Variants in LYN observed in about 807,000 individuals in gnomAD.
LYN encodes the protein tyrosine-protein kinase Lyn.
LYN carries 12 observed loss-of-function variants against 65.0 expected under a neutral mutation model. That is an observed-to-expected ratio of 0.18 (90% CI 0.12 to 0.30). The LOEUF (loss-of-function observed/expected upper bound fraction) is 0.30. LYN is among the 10% of genes least tolerant of loss of function. LYN has a pLI of 1.00. For missense variants in LYN, 380 were observed against 623.2 expected (o/e 0.61, Z 4.16); for synonymous variants, 222 against 221.2 (o/e 1.00, Z -0.03).
At chr8:55,959,710 G>A (rs759490344) in intron 8 of LYN, among the ~76,000 whole-genome samples, 4 of 151,994 alleles carry the variant, frequency 2.6e-5, no homozygotes, top group Non-Finnish European at 5.9e-5. Flanking sequence ...AGTGTTCATA[G>A]TAGCATTATT....
intron 1 of LYN, among the ~76,000 whole-genome samples, chr8:55,902,050 C>T (rs1348413850): frequency 6.6e-6 from 1 of 151,992 alleles, no homozygotes; most frequent in Non-Finnish European, 1.5e-5. Flanking sequence ...TCTTATTGCC[C>T]AGACTGGACT....
chr8:55,977,995 CT>C (rs1019564045), intron 10 of LYN, among the ~76,000 whole-genome samples: 2 of 152,258 alleles, frequency 1.3e-5, no homozygotes, highest in East Asian at 1.9e-4. Flanking sequence ...TTCTTCTGAG[CT>C]TTTTCAATTC....
intron 8 of LYN, among the ~76,000 whole-genome samples, chr8:55,958,815 GA>G (rs1482042332): frequency 6.6e-6 from 1 of 152,182 alleles, no homozygotes; most frequent in Non-Finnish European, 1.5e-5. Context: ...AAGGCTTAAT[GA>G]TATTCCTTTA....
intron 1 of LYN, among the ~76,000 whole-genome samples, chr8:55,937,583 G>A (rs1313869223): frequency 6.6e-6 from 1 of 152,162 alleles, no homozygotes; most frequent in Non-Finnish European, 1.5e-5. Flanking sequence ...TTCAAGAAGT[G>A]GAATTCCAAT....
chr8:56,004,861 T>C (rs1356894113), intron 12 of LYN, among the ~76,000 whole-genome samples: 1 of 152,188 alleles, frequency 6.6e-6, no homozygotes, highest in Non-Finnish European at 1.5e-5. Context: ...CATAGCTCAC[T>C]GTAGCCTTTA....
intron 10 of LYN, among the ~76,000 whole-genome samples, chr8:55,984,072 C>T (rs1688039029): frequency 1.3e-5 from 2 of 152,154 alleles, no homozygotes; most frequent in Admixed American, 1.3e-4. Context: ...CCTCTGTCTT[C>T]CGGTGGCCTC....
chr8:55,909,747 A>G (rs1805544480), intron 1 of LYN, among the ~76,000 whole-genome samples: 1 of 152,160 alleles, frequency 6.6e-6, no homozygotes, highest in Admixed American at 6.6e-5. Flanking sequence ...TTTGTCTGCA[A>G]CCTCACCAAT....
At chr8:55,890,956 T>C (rs972633788) in intron 1 of LYN, among the ~76,000 whole-genome samples, 8 of 152,020 alleles carry the variant, frequency 5.3e-5, no homozygotes, top group Non-Finnish European at 1.0e-4. Context: ...CTTGAACTCC[T>C]GGGCTCAAGC....
intron 10 of LYN, among the ~76,000 whole-genome samples, chr8:55,995,018 T>C (rs1808338641): frequency 6.6e-6 from 1 of 152,228 alleles, no homozygotes; most frequent in Admixed American, 6.5e-5. Context: ...ACTGGCTTTT[T>C]CTAACAAGTC....
intron 1 of LYN, among the ~76,000 whole-genome samples, chr8:55,918,997 G>A (rs1336266474): frequency 2.4e-5 from 3 of 127,032 alleles, no homozygotes; most frequent in African/African-American, 6.0e-5. Flanking sequence ...TCAGTTGTTC[G>A]AGACCATGGG....
intron 1 of LYN, among the ~76,000 whole-genome samples, chr8:55,905,862 C>T (rs761183636): frequency 1.4e-4 from 22 of 152,154 alleles, no homozygotes; most frequent in Non-Finnish European, 2.5e-4. Context: ...GCAAAGAGCC[C>T]GCTCCTCTGT....
chr8:55,896,703 T>C (rs1367588974), intron 1 of LYN, among the ~76,000 whole-genome samples: 2 of 152,102 alleles, frequency 1.3e-5, no homozygotes, highest in Non-Finnish European at 2.9e-5. Flanking sequence ...ATACCTAATT[T>C]AGTAAGAGAG....
intron 1 of LYN, among the ~76,000 whole-genome samples, chr8:55,935,220 A>G (rs925045611): frequency 1.3e-5 from 2 of 151,880 alleles, no homozygotes; most frequent in African/African-American, 4.8e-5. Context: ...GAAAAAAAAC[A>G]AAAACAAAAG....
At chr8:56,008,125 A>AT (rs1554519958) in intron 12 of LYN, among the ~76,000 whole-genome samples, 1 of 133,608 alleles carries the variant, frequency 7.5e-6, no homozygotes. Flanking sequence ...CCTCAAAAAA[A>AT]AAATAAAATA....
chr8:55,984,296 C>T (rs1250858676), intron 10 of LYN, among the ~76,000 whole-genome samples: 1 of 152,332 alleles, frequency 6.6e-6, no homozygotes, highest in Non-Finnish European at 1.5e-5. Context: ...CACTCCGAAG[C>T]TTCTAGCTCA....
At chr8:55,893,160 C>T (rs571647755) in intron 1 of LYN, among the ~76,000 whole-genome samples, 21 of 152,310 alleles carry the variant, frequency 1.4e-4, no homozygotes, top group African/African-American at 4.8e-4. Context: ...TCCTGTTTTA[C>T]CCTGGCGATT....
intron 1 of LYN, among the ~76,000 whole-genome samples, chr8:55,891,702 T>C (rs1279172216): frequency 6.6e-6 from 1 of 152,218 alleles, no homozygotes; most frequent in African/African-American, 2.4e-5. Context: ...TTATATTGTG[T>C]TTATTTTACC....
chr8:55,913,808 G>C (rs188751400), intron 1 of LYN, among the ~76,000 whole-genome samples: 1 of 152,268 alleles, frequency 6.6e-6, no homozygotes, highest in East Asian at 1.9e-4. Context: ...GAAGGAGGCT[G>C]CTTATGGGAT....
chr8:55,895,426 T>G (rs1295917598), intron 1 of LYN, among the ~76,000 whole-genome samples: 1 of 146,800 alleles, frequency 6.8e-6, no homozygotes, highest in Non-Finnish European at 1.5e-5. Flanking sequence ...TAATGAAAAA[T>G]ATTCCAGGTT....
Sources: allele counts gnomAD v4.1 joint callset (sites outside exome capture counted in the v4.1 genomes callset), GRCh38; gene constraint gnomAD v4.1.1; transcripts MANE v1.5; gene names NCBI Gene and HGNC (gene_info 2026-07-23, HGNC 2026-07-21).